TENM3: variants seen among roughly 807,000 people sequenced by gnomAD.
The protein encoded by TENM3 is teneurin-3.
In TENM3, 63 loss-of-function variants were observed where a neutral mutation model predicts 255.1. The observed-to-expected ratio is 0.25, with a 90% CI of 0.20 to 0.30. TENM3 has a LOEUF of 0.30. Ranked by LOEUF, TENM3 falls within the 10% of genes least tolerant of loss-of-function variation. The pLI, the probability that TENM3 is intolerant of heterozygous loss-of-function variation, is 1.00. For synonymous variants in TENM3, 1,306 were observed against 1,322.3 expected, an observed-to-expected ratio of 0.99 and a Z score of 0.27; for missense variants, 2,929 against 3,461.1, an observed-to-expected ratio of 0.85 and a Z score of 3.86.
At chr4:181,748,270 C>G in the TENM3 span, among the ~76,000 whole-genome samples, 2 of 152,008 alleles carry the variant, frequency 1.3e-5, no homozygotes, top group Non-Finnish European at 1.5e-5. Context: ...TATCCAAGTG[C>G]ATGGTAGGTT....
chr4:182,344,496 AC>A (rs925288136), intron 2 of TENM3, among the ~76,000 whole-genome samples: 1 of 152,214 alleles, frequency 6.6e-6, no homozygotes, highest in African/African-American at 2.4e-5. Context: ...GTGTTTACAT[AC>A]CTGGGTAACA....
the TENM3 span, among the ~76,000 whole-genome samples, chr4:181,834,674 A>T: frequency 6.6e-6 from 1 of 152,184 alleles, no homozygotes; most frequent in Non-Finnish European, 1.5e-5. Flanking sequence ...ATGCGTTCGT[A>T]CACCAACCGC....
chr4:181,625,197 A>T, the TENM3 span, among the ~76,000 whole-genome samples: 1 of 152,132 alleles, frequency 6.6e-6, no homozygotes, highest in Non-Finnish European at 1.5e-5. Flanking sequence ...TACCTTTGCA[A>T]ACAGTCTACC....
At chr4:181,977,612 G>T in the TENM3 span, among the ~76,000 whole-genome samples, 996 of 152,280 alleles carry the variant, frequency 6.5e-3, 9 homozygotes, top group African/African-American at 0.023. Context: ...AGCAATAAAA[G>T]AGAGAGAGAA....
intron 1 of TENM3, among the ~76,000 whole-genome samples, chr4:182,273,296 G>T (rs959727126): frequency 6.6e-6 from 1 of 152,198 alleles, no homozygotes; most frequent in Admixed American, 6.5e-5. Context: ...ACTTATACAT[G>T]CTATATAGCT....
At chr4:182,433,560 A>G (rs1437288140) in intron 3 of TENM3, among the ~76,000 whole-genome samples, 5 of 152,208 alleles carry the variant, frequency 3.3e-5, no homozygotes, top group African/African-American at 1.2e-4. Context: ...GAGGGCAGAA[A>G]AAGGGTAGGG....
At chr4:181,531,220 T>C in the TENM3 span, among the ~76,000 whole-genome samples, 1 of 152,104 alleles carries the variant, frequency 6.6e-6, no homozygotes, top group Non-Finnish European at 1.5e-5. Flanking sequence ...GTTCAAATTA[T>C]AGAGCAAGGA....
intron 12 of TENM3, among the ~76,000 whole-genome samples, chr4:182,708,520 CG>C (rs1162980740): frequency 6.6e-6 from 1 of 152,160 alleles, no homozygotes; most frequent in Non-Finnish European, 1.5e-5. Context: ...TGAGACCTGG[CG>C]GGGCGTGGTG....
chr4:182,045,296 G>A, the TENM3 span, among the ~76,000 whole-genome samples: 1,164 of 151,762 alleles, frequency 7.7e-3, 10 homozygotes, highest in African/African-American at 0.022. Flanking sequence ...CCAAGGAAGC[G>A]TTCAGGCTGA....
At chr4:181,583,129 A>AT in the TENM3 span, among the ~76,000 whole-genome samples, 2 of 8,868 alleles carry the variant, frequency 2.3e-4, no homozygotes, top group African/African-American at 4.6e-4. Context: ...CTTCTGTAGT[A>AT]TTTTTTTTTT....
At chr4:181,785,149 A>T in the TENM3 span, among the ~76,000 whole-genome samples, 406 of 152,272 alleles carry the variant, frequency 2.7e-3, 2 homozygotes, top group Non-Finnish European at 5.0e-3. Context: ...ACATGTGTGA[A>T]GTTGGAGCAG....
chr4:182,651,021 T>C (rs2152511067), intron 5 of TENM3, among the ~76,000 whole-genome samples: 1 of 151,970 alleles, frequency 6.6e-6, no homozygotes, highest in African/African-American at 2.4e-5. Flanking sequence ...CATGATCCCA[T>C]GGATTATGTC....
intron 13 of TENM3, among the ~76,000 whole-genome samples, chr4:182,723,823 C>A (rs1293867697): frequency 1.3e-5 from 2 of 152,142 alleles, no homozygotes; most frequent in Non-Finnish European, 2.9e-5. Flanking sequence ...CATTCATGCC[C>A]ATTCATTGAC....
chr4:181,944,500 C>T, the TENM3 span, among the ~76,000 whole-genome samples: 1 of 152,192 alleles, frequency 6.6e-6, no homozygotes, highest in Non-Finnish European at 1.5e-5. Flanking sequence ...CCCTCACAGA[C>T]ATGCCCAGAA....
the TENM3 span, among the ~76,000 whole-genome samples, chr4:181,945,981 T>C: frequency 6.6e-6 from 1 of 152,064 alleles, no homozygotes; most frequent in Non-Finnish European, 1.5e-5. Flanking sequence ...CATATACAAA[T>C]AGGTCCCTAT....
the TENM3 span, among the ~76,000 whole-genome samples, chr4:181,875,608 C>T: frequency 6.6e-6 from 1 of 152,130 alleles, no homozygotes; most frequent in Admixed American, 6.5e-5. Context: ...AAATTTCTCC[C>T]TCTCAATGAG....
At chr4:182,475,226 G>A (rs1733559229) in intron 3 of TENM3, among the ~76,000 whole-genome samples, 1 of 152,052 alleles carries the variant, frequency 6.6e-6, no homozygotes, top group Non-Finnish European at 1.5e-5. Context: ...ATATTAGAAC[G>A]GAAGACTGTT....
chr4:182,289,256 A>T (rs937607051), intron 1 of TENM3, among the ~76,000 whole-genome samples: 2 of 152,218 alleles, frequency 1.3e-5, no homozygotes, highest in African/African-American at 4.8e-5. Context: ...ATTTATATTA[A>T]AACGCATTTA....
chr4:181,656,259 A>G, the TENM3 span, among the ~76,000 whole-genome samples: 1 of 152,324 alleles, frequency 6.6e-6, no homozygotes, highest in South Asian at 2.1e-4. Context: ...CAATGTAGAA[A>G]GGATGACACA....
Sources: gnomAD v4.1 joint callset for allele counts (sites outside exome capture counted in the v4.1 genomes callset) on GRCh38, gnomAD v4.1.1 for gene constraint, MANE v1.5 for transcripts, NCBI Gene and HGNC (gene_info 2026-07-23, HGNC 2026-07-21) for gene names.